Variants in AGPAT4 observed in about 807,000 individuals in gnomAD.
The protein encoded by AGPAT4 is 1-acyl-sn-glycerol-3-phosphate acyltransferase delta.
In AGPAT4, 15 loss-of-function variants were observed where a neutral mutation model predicts 48.0. The observed-to-expected ratio is 0.31, with a 90% CI of 0.21 to 0.48. The LOEUF (loss-of-function observed/expected upper bound fraction) is 0.48, where lower values mean the gene tolerates loss of function less well. Among genes scored for constraint, AGPAT4 ranks in the 20% least tolerant of loss-of-function variants. AGPAT4 has a pLI of 0.99. For missense variants in AGPAT4, 314 were observed against 482.5 expected (o/e 0.65, Z 3.27); for synonymous variants, 178 against 198.7 (o/e 0.90, Z 0.88).
At chr6:161,207,337 A>C (rs1055503950) in intron 2 of AGPAT4, among the ~76,000 whole-genome samples, 1 of 152,168 alleles carries the variant, frequency 6.6e-6, no homozygotes, top group Non-Finnish European at 1.5e-5. Flanking sequence ...GCCTAACACA[A>C]AGACAGGATC....
At position 161,242,534 on chromosome 6, in the gene AGPAT4, T is replaced by C. The variant is rs1208295291; in HGVS notation, c.-89-10232A>G. Among the ~76,000 whole-genome samples, 2 of 152,104 alleles carry C rather than the reference T, an allele frequency of 1.3e-5. No homozygotes were observed. Among genetic ancestry groups the C allele is most frequent in the Non-Finnish European group, 2.9e-5 (2 of 68,036 alleles). The stretch of plus-strand genomic sequence containing the variant: ...CTCATGGGGCTGGAGGGTGCAGACC[T>C]CAGAGTAGGTACACATTCTGAGGGT... On this transcript the variant is annotated intron_variant, in intron 1 of 8. Coordinates refer to ENST00000320285, the MANE Select transcript of AGPAT4 (RefSeq NM_020133.3). The surrounding 1 kb of genome is among the most constrained non-coding windows in gnomAD (Gnocchi z 5.0).
rs1780470792 is a variant in AGPAT4, at chr6:161,177,862, C to A, written c.179-11445G>T. On this transcript the variant is annotated intron_variant, in intron 2 of 8. Coordinates refer to ENST00000320285, the MANE Select transcript of AGPAT4 (RefSeq NM_020133.3). This position sits in a 1 kb window ranked among gnomAD's most constrained non-coding sequence, Gnocchi z 5.0. ...ATGTCCTTTCCGTTTGTTAGTTTTC[C>A]TTCTAACAGTCGGAACCCTCAGCTG... Among the ~76,000 whole-genome samples, 1 of 152,146 alleles carries A rather than the reference C, an allele frequency of 6.6e-6. No individual in the cohort carries two copies. The highest frequency in any genetic ancestry group is 2.1e-4 in the South Asian group (1 of 4,826).
In AGPAT4 at chr6:161,273,400, CAAG is replaced by C. The variant is rs142695276; in HGVS notation, c.-90+535_-90+537del. Among the ~76,000 whole-genome samples the C allele has an allele frequency of 5.1e-4, 77 of 152,056 alleles. No homozygotes were observed. In the East Asian group the frequency reaches 0.014, roughly 28 times the overall value. On this transcript the variant is annotated intron_variant, in intron 1 of 8. Coordinates refer to ENST00000320285, the MANE Select transcript of AGPAT4 (RefSeq NM_020133.3). ...CATGCTGGATTTTAGCAAACCAAAG[CAAG>C]AAGCAGAGCAGAAAGCTGCAAACTA...
Position 161,262,714 on chromosome 6 carries a change from C to A in AGPAT4, c.-90+11224G>T, listed in dbSNP as rs1053817722. 2.0e-5 allele frequency among the ~76,000 whole-genome samples: 3 copies of A among 152,122 alleles called. No individual in the cohort carries two copies. Among genetic ancestry groups the A allele is most frequent in the African/African-American group, 7.2e-5 (3 of 41,426 alleles). On this transcript the variant is annotated intron_variant, in intron 1 of 8. Coordinates refer to ENST00000320285, the MANE Select transcript of AGPAT4 (RefSeq NM_020133.3). The surrounding 1 kb of genome is among the most constrained non-coding windows in gnomAD (Gnocchi z 4.9). Reference sequence around the variant, plus strand: ...CTTCAGTCCCACGGGGGAGTGAGACCCTCATAGTGAGGGGCACCCTTTGGG... The same window carrying A: ...CTTCAGTCCCACGGGGGAGTGAGACACTCATAGTGAGGGGCACCCTTTGGG...
At chr6:161,203,381 C>CTTTTTTT (rs10585542) in intron 2 of AGPAT4, among the ~76,000 whole-genome samples, 9 of 110,788 alleles carry the variant, frequency 8.1e-5, no homozygotes, top group East Asian at 2.9e-4. Context: ...CTTTTTCTTT[C>CTTTTTTT]TTTTTTTTTT....
At chr6:161,172,224 C>T (rs999115222) in intron 2 of AGPAT4, among the ~76,000 whole-genome samples, 21 of 152,326 alleles carry the variant, frequency 1.4e-4, no homozygotes, top group African/African-American at 5.1e-4. Flanking sequence ...AAGAGGAACC[C>T]TCAGTGCGAG....
At chr6:161,181,159 A>G (rs1780576696) in intron 2 of AGPAT4, among the ~76,000 whole-genome samples, 1 of 152,144 alleles carries the variant, frequency 6.6e-6, no homozygotes. Context: ...CTCTAGCCCA[A>G]GAGTTCTTGC....
chr6:161,273,797 C>CCT (rs1387021402), intron 1 of AGPAT4, 141 bp downstream of exon 1: 1 of 149,246 alleles, frequency 6.7e-6, no homozygotes, highest in Non-Finnish European at 1.5e-5. Flanking sequence ...CTTGCACTCC[C>CCT]CCCCCGCCCC....
At position 161,222,055 on chromosome 6, in the gene AGPAT4, G is replaced by C. The variant is rs1001023226; in HGVS notation, c.178+9981C>G. Among the ~76,000 whole-genome samples, 1 of 152,098 alleles carries C rather than the reference G, an allele frequency of 6.6e-6. No homozygotes were observed. The highest frequency in any genetic ancestry group is 1.5e-5 in the Non-Finnish European group (1 of 68,018). On this transcript the variant is annotated intron_variant, in intron 2 of 8. Transcript: ENST00000320285. This position sits in a 1 kb window ranked among gnomAD's most constrained non-coding sequence, Gnocchi z 5.9. ...TTTCCACGAATGACTGCAATATTTG[G>C]GATGAGGGTTGACTATGCTCTGCTC...
At chr6:161,250,308 T>A (rs1562357239) in intron 1 of AGPAT4, among the ~76,000 whole-genome samples, 1 of 152,178 alleles carries the variant, frequency 6.6e-6, no homozygotes, top group South Asian at 2.1e-4. Flanking sequence ...TTTACCTATA[T>A]AACAAACCTG....
Position 161,131,414 on chromosome 6 carries a change from T to C in AGPAT4, c.*5126A>G, listed in dbSNP as rs116570641. ...CTGGTAACTCCGAAACTTCAAAATA[T>C]TGACTGTACAAATTACTCAAGTTTA... On this transcript the variant is annotated 3_prime_UTR_variant, in exon 9 of 9. Transcript: ENST00000320285. The C allele has an allele frequency of 0.02, 3,088 of 153,170 alleles. 114 individuals carry two copies. The highest frequency in any genetic ancestry group is 0.07 in the African/African-American group (2,918 of 41,566). 9.5% of individuals were successfully genotyped at this position (153,170 alleles called of 1,614,324 possible).
chr6:161,155,193 C>G lies in AGPAT4; in HGVS notation c.349-883G>C, dbSNP rs571256824. ...GTGGCCCTCCCCAGCCAGGCGTCCA[C>G]TACATCAGTCCCCCTACACTGAGGA... is the stretch of plus-strand genomic sequence containing the variant. On this transcript the variant is annotated intron_variant, in intron 3 of 8. Transcript: ENST00000320285. The surrounding 1 kb of genome is among the most constrained non-coding windows in gnomAD (Gnocchi z 5.8). 2.4e-3 allele frequency among the ~76,000 whole-genome samples: 360 copies of G among 152,332 alleles called. 3 individuals are homozygous for G. The highest frequency in any genetic ancestry group is 3.7e-3 in the South Asian group (18 of 4,824).
rs1782299997 is a variant in AGPAT4, at chr6:161,236,991, T to G, written c.-89-4689A>C. ...CACAACCTAGTGAACTAAGGCAACA[T>G]GCAAAAGGGATCGCGGAAACACAAA... On this transcript the variant is annotated intron_variant, in intron 1 of 8. Coordinates refer to ENST00000320285, the MANE Select transcript of AGPAT4 (RefSeq NM_020133.3). The surrounding 1 kb of genome is among the most constrained non-coding windows in gnomAD (Gnocchi z 5.0). Among the ~76,000 whole-genome samples, 1 of 152,036 alleles carries G rather than the reference T, an allele frequency of 6.6e-6. No homozygotes were observed. The highest frequency in any genetic ancestry group is 1.5e-5 in the Non-Finnish European group (1 of 68,000).
Position 161,146,230 on chromosome 6 carries a change from G to C in AGPAT4, c.843+294C>G, listed in dbSNP as rs1438115646. ...GCTGCGGAGAACATCCACCCCACAA[G>C]CACATCCTGCCTTAGGACCAGAGGC... On this transcript the variant is annotated intron_variant, in intron 7 of 8. Transcript: ENST00000320285. The surrounding 1 kb of genome is among the most constrained non-coding windows in gnomAD (Gnocchi z 7.1). Among the ~76,000 whole-genome samples, 1 of 151,574 alleles carries C rather than the reference G, an allele frequency of 6.6e-6. No homozygotes were observed. The highest frequency in any genetic ancestry group is 1.5e-5 in the Non-Finnish European group (1 of 68,034).
rs563357753 is a variant in AGPAT4 at position 161,232,873 on chromosome 6, C to T, written c.-89-571G>A. Among the ~76,000 whole-genome samples, 8 of 152,136 alleles carry T rather than the reference C, an allele frequency of 5.3e-5. No homozygotes were observed. Among genetic ancestry groups the T allele is most frequent in the Non-Finnish European group, 7.3e-5 (5 of 68,040 alleles). ...GAGTGGGTGCCACCCCTCAAGCAAC[C>T]GGGACTAGGGAAGCATTTACTTGAA... On this transcript the variant is annotated intron_variant, in intron 1 of 8. Coordinates refer to ENST00000320285, the MANE Select transcript of AGPAT4 (RefSeq NM_020133.3). This position sits in a 1 kb window ranked among gnomAD's most constrained non-coding sequence, Gnocchi z 6.8.
In AGPAT4 at chr6:161,196,090, CAG is replaced by C. The variant is rs1781058926; in HGVS notation, c.179-29675_179-29674del. The stretch of plus-strand genomic sequence containing the variant: ...GGCTTAATGACCCACCATCCCAAGA[CAG>C]AAATATAACCCTGACCTCTTTCTAG... On this transcript the variant is annotated intron_variant, in intron 2 of 8. Coordinates refer to ENST00000320285, the MANE Select transcript of AGPAT4 (RefSeq NM_020133.3). The surrounding 1 kb of genome is among the most constrained non-coding windows in gnomAD (Gnocchi z 4.3). Among the ~76,000 whole-genome samples the C allele has an allele frequency of 6.6e-6, 1 of 152,160 alleles. No individual in the cohort carries two copies. Among genetic ancestry groups the C allele is most frequent in the African/African-American group, 2.4e-5 (1 of 41,424 alleles).
rs1231380110 is a variant in AGPAT4, at chr6:161,149,214, T to C, written c.740A>G (p.Lys247Arg). 1.2e-6 allele frequency: 2 copies of C among 1,613,830 alleles called. No individual in the cohort carries two copies. Among genetic ancestry groups the C allele is most frequent in the Non-Finnish European group, 8.5e-7 (1 of 1,180,006 alleles). The change falls in exon 6 of 9, where the codon AAG (lysine) becomes AGG (arginine). Residue 247 changes from lysine to arginine, a missense_variant. Coordinates refer to ENST00000320285, the MANE Select transcript of AGPAT4 (RefSeq NM_020133.3). This position sits in a 1 kb window ranked among gnomAD's most constrained non-coding sequence, Gnocchi z 6.5. Reference protein sequence around the residue: ...NPTLLGVLNGKKYHADLYVRR... With the variant: ...NPTLLGVLNGRKYHADLYVRR... ...AACATACAAATCTGCATGGTATTTC[T>C]TTCCGTTTAGGACTCCCAGCAGTGT...
chr6:161,175,915 C>T (rs1015809701), intron 2 of AGPAT4, among the ~76,000 whole-genome samples: 23 of 152,090 alleles, frequency 1.5e-4, no homozygotes, highest in African/African-American at 5.6e-4. Context: ...ATTCAGGAGC[C>T]AGTTGTTCAG....
At chr6:161,257,186 C>T (rs1782966300) in intron 1 of AGPAT4, among the ~76,000 whole-genome samples, 1 of 152,172 alleles carries the variant, frequency 6.6e-6, no homozygotes, top group Non-Finnish European at 1.5e-5. Context: ...TCCAAATATC[C>T]ATCACCCGGT....
Sources: allele counts gnomAD v4.1 joint callset (sites outside exome capture counted in the v4.1 genomes callset), GRCh38; gene constraint gnomAD v4.1.1; non-coding constraint Gnocchi (gnomAD v3.1); transcripts MANE v1.5; gene names NCBI Gene and HGNC (gene_info 2026-07-23, HGNC 2026-07-21).